Variants in MTUS1 observed in about 807,000 individuals in gnomAD.
The protein encoded by MTUS1 is microtubule associated scaffold protein 1, also known as microtubule-associated tumor suppressor 1.
A neutral mutation model predicts 120.8 loss-of-function variants in MTUS1; 109 were observed. The observed-to-expected ratio is 0.90, with a 90% confidence interval of 0.77 to 1.06. The LOEUF (loss-of-function observed/expected upper bound fraction) is 1.06. Among genes scored for constraint, MTUS1 ranks in the 50% least tolerant of loss-of-function variants. The pLI is 0.00. For missense variants in MTUS1, 2,210 were observed against 1,486.3 expected (o/e 1.49, Z -8.01); for synonymous variants, 737 against 550.5 (o/e 1.34, Z -4.74).
At chr8:17,688,765 A>G (rs1816356887) in intron 6 of MTUS1, among the ~76,000 whole-genome samples, 1 of 152,214 alleles carries the variant, frequency 6.6e-6, no homozygotes. Context: ...AGTGTTCATT[A>G]GCTGTTTACT....
chr8:17,706,588 G>T (rs552491836), intron 6 of MTUS1, among the ~76,000 whole-genome samples: 1 of 152,242 alleles, frequency 6.6e-6, no homozygotes, highest in African/African-American at 2.4e-5. Context: ...GTCAACCACG[G>T]TATAAAATGA....
At chr8:17,733,417 G>C (rs1447284338) in intron 3 of MTUS1, among the ~76,000 whole-genome samples, 2 of 151,548 alleles carry the variant, frequency 1.3e-5, no homozygotes, top group African/African-American at 4.9e-5. Context: ...ATGTGCATGA[G>C]AATATGCAAA....
chr8:17,688,694 TAC>T (rs1272446121), intron 6 of MTUS1, among the ~76,000 whole-genome samples: 9 of 152,226 alleles, frequency 5.9e-5, no homozygotes, highest in Admixed American at 2.6e-4. Context: ...CAATCTTACA[TAC>T]AGTTTTTTAA....
chr8:17,684,061 G>T (rs570131535), intron 7 of MTUS1, among the ~76,000 whole-genome samples: 1 of 152,124 alleles, frequency 6.6e-6, no homozygotes, highest in East Asian at 1.9e-4. Flanking sequence ...GGCATACACC[G>T]GCGTAAGAGG....
At chr8:17,646,499 G>A (rs1236062157) in intron 14 of MTUS1, among the ~76,000 whole-genome samples, 5 of 152,096 alleles carry the variant, frequency 3.3e-5, no homozygotes, top group Non-Finnish European at 7.4e-5. Context: ...GAGGTGGGAG[G>A]ACTGCTCGAG....
intron 8 of MTUS1, among the ~76,000 whole-genome samples, chr8:17,665,657 G>T (rs966502200): frequency 1.3e-5 from 2 of 152,192 alleles, no homozygotes; most frequent in Non-Finnish European, 2.9e-5. Flanking sequence ...CACTATGCCC[G>T]GCCCTAGAAC....
At chr8:17,661,176 G>A (rs1286617681) in intron 8 of MTUS1, among the ~76,000 whole-genome samples, 1 of 152,078 alleles carries the variant, frequency 6.6e-6, no homozygotes, top group Non-Finnish European at 1.5e-5. Flanking sequence ...GACTCTGAAG[G>A]CTCCTCGTGT....
intron 6 of MTUS1, among the ~76,000 whole-genome samples, chr8:17,709,991 A>T (rs1585862472): frequency 6.8e-6 from 1 of 148,140 alleles, no homozygotes; most frequent in African/African-American, 2.5e-5. Context: ...TGGGCGACAG[A>T]GCAAGACTCT....
chr8:17,675,365 A>C, intron 7 of MTUS1, 113 bp from the exon 8 acceptor site: 1 of 805,018 alleles, frequency 1.2e-6, no homozygotes, highest in Non-Finnish European at 2.0e-6. Context: ...CCAAGATATG[A>C]ATCATTTAGG....
Position 17,658,680 on chromosome 8 carries a change from A to T in MTUS1, c.2906-2615T>A, listed in dbSNP as rs76712954. 5.4e-3 allele frequency among the ~76,000 whole-genome samples: 821 copies of T among 152,320 alleles called. 9 individuals carry two copies. Among genetic ancestry groups the T allele is most frequent in the African/African-American group, 0.019 (802 of 41,578 alleles). On this transcript the variant is annotated intron_variant, in intron 8 of 14. Transcript: ENST00000693296. ...TAACATATCAGGAGTTGAAGGAAGA[A>T]GATTATTTTAGGGCACAGAAAAGGA... is the stretch of plus-strand genomic sequence containing the variant.
intron 4 of MTUS1, among the ~76,000 whole-genome samples, chr8:17,718,423 GA>G (rs1822738226): frequency 1.3e-5 from 2 of 152,152 alleles, no homozygotes; most frequent in African/African-American, 4.8e-5. Context: ...ACCTATCTAT[GA>G]ATAACAAGGG....
chr8:17,652,397 C>T (rs1489281196), intron 12 of MTUS1, among the ~76,000 whole-genome samples: 1 of 152,032 alleles, frequency 6.6e-6, no homozygotes, highest in Non-Finnish European at 1.5e-5. Context: ...TTAAAAGGAC[C>T]ACATGTTCTA....
intron 3 of MTUS1, among the ~76,000 whole-genome samples, chr8:17,740,770 C>T (rs913956516): frequency 1.3e-5 from 2 of 152,166 alleles, no homozygotes; most frequent in African/African-American, 4.8e-5. Flanking sequence ...GATAGAGGTG[C>T]CAGCTGATCT....
intron 14 of MTUS1, among the ~76,000 whole-genome samples, chr8:17,646,659 T>C (rs1021394855): frequency 1.3e-5 from 2 of 152,216 alleles, no homozygotes; most frequent in African/African-American, 2.4e-5. Flanking sequence ...TTTGCAAATA[T>C]TCGACATGTT....
At chr8:17,653,960 C>G (rs893750712) in intron 10 of MTUS1, 3 of 158,282 alleles carry the variant, frequency 1.9e-5, no homozygotes, top group Admixed American at 6.3e-5. Context: ...CACATTATCA[C>G]CTCTGCCTGA....
chr8:17,729,958 C>G lies in MTUS1; in HGVS notation c.2288-6125G>C, dbSNP rs991635907. Among the ~76,000 whole-genome samples, 4 of 145,204 alleles carry G rather than the reference C, an allele frequency of 2.8e-5. No individual in the cohort carries two copies. The Admixed American group carries it at 2.8e-4, about 10-fold the overall frequency. On this transcript the variant is annotated intron_variant, in intron 3 of 14. Coordinates refer to ENST00000693296, the MANE Select transcript of MTUS1 (RefSeq NM_001363059.2). ...CAAATCACAATCGCGCGAGATACCA[C>G]TTTGTACCTAATGGGATGCTATCAT...
At position 17,655,915 on chromosome 8, in the gene MTUS1, C is replaced by G. The variant is rs370758570; in HGVS notation, c.3056G>C (p.Arg1019Pro). 3.1e-6 allele frequency: 5 copies of G among 1,614,176 alleles called. No homozygotes were observed. The highest frequency in any genetic ancestry group is 4.2e-6 in the Non-Finnish European group (5 of 1,180,028). ...EFYTREYEKL[R>P]DTYIEEAEKY... ...CTCTGCTTCTTCAATGTAAGTGTCC[C>G]GAAGCTTTTCATACTCCCTGGTGTA... Residue 1019 changes from arginine (R) to proline (P), a missense_variant, in exon 9 of 15, where the codon CGG becomes CCG. Coordinates refer to ENST00000693296, the MANE Select transcript of MTUS1 (RefSeq NM_001363059.2).
chr8:17,787,040 C>T (rs933802175), intron 1 of MTUS1, among the ~76,000 whole-genome samples: 3 of 152,172 alleles, frequency 2.0e-5, no homozygotes, highest in Non-Finnish European at 1.5e-5. Context: ...TGCTGAAAAG[C>T]GATCGGAAGC....
chr8:17,754,154 C>G lies in MTUS1; in HGVS notation c.1654G>C (p.Val552Leu), dbSNP rs1563326505. 1 of 1,613,470 alleles carries G rather than the reference C, an allele frequency of 6.2e-7. No individual in the cohort carries two copies. The highest frequency in any genetic ancestry group is 1.7e-5 in the Admixed American group (1 of 60,000). ...TCAGATCTCGGTGTTCTGCTCAAGA[C>G]TGTTTGTTGTCTTGAATTCACTGAT... ...PSSVNSRQQT[V>L]LSRTPRSDLN... Residue 552 changes from valine to leucine, a missense_variant, in exon 2 of 15, where the codon GTC becomes CTC. By Grantham distance (32) the Val-to-Leu change is conservative (BLOSUM62 1). Transcript: ENST00000693296.
Sources: allele counts gnomAD v4.1 joint callset (sites outside exome capture counted in the v4.1 genomes callset), GRCh38; gene constraint gnomAD v4.1.1; transcripts MANE v1.5; gene names NCBI Gene and HGNC (gene_info 2026-07-23, HGNC 2026-07-21).